Variants in PDZRN4 observed in about 807,000 individuals in gnomAD.
PDZRN4 encodes PDZ domain-containing RING finger protein 4.
A neutral mutation model predicts 99.0 loss-of-function variants in PDZRN4; 70 were observed. The observed-to-expected ratio is 0.71, with a 90% CI of 0.58 to 0.86. PDZRN4 has a LOEUF of 0.86. Among genes scored for constraint, PDZRN4 ranks in the 40% least tolerant of loss-of-function variants. PDZRN4 has a pLI of 0.00. For synonymous variants in PDZRN4, 551 were observed against 501.6 expected, an observed-to-expected ratio of 1.10 and a Z score of -1.32; for missense variants, 1,474 against 1,331.2, an observed-to-expected ratio of 1.11 and a Z score of -1.67.
intron 3 of PDZRN4, among the ~76,000 whole-genome samples, chr12:41,217,490 T>A (rs1950929031): frequency 6.6e-6 from 1 of 152,082 alleles, no homozygotes; most frequent in Non-Finnish European, 1.5e-5. Flanking sequence ...AGTGCTGTCA[T>A]TTTTTAACAT....
chr12:41,353,073 G>C (rs1340580782), intron 3 of PDZRN4, among the ~76,000 whole-genome samples: 1 of 152,084 alleles, frequency 6.6e-6, no homozygotes, highest in Non-Finnish European at 1.5e-5. Context: ...ATTTCATCTA[G>C]AATGGAAGAA....
chr12:41,193,882 AC>A (rs1354823441), intron 2 of PDZRN4, among the ~76,000 whole-genome samples, 198 bp from the exon 3 acceptor site: 1 of 152,076 alleles, frequency 6.6e-6, no homozygotes, highest in Non-Finnish European at 1.5e-5. Flanking sequence ...CTTGTCAGAG[AC>A]CCTGGACTCA....
chr12:41,397,826 AT>A (rs934899280), intron 3 of PDZRN4, among the ~76,000 whole-genome samples: 26 of 152,172 alleles, frequency 1.7e-4, no homozygotes, highest in Non-Finnish European at 2.6e-4. Flanking sequence ...AGTCACTTAT[AT>A]TTTTTTCTCT....
chr12:41,349,574 C>T lies in PDZRN4; in HGVS notation c.843+155386C>T, dbSNP rs185292887. On this transcript the variant is annotated intron_variant, in intron 3 of 9. Transcript: ENST00000402685. ...ACTGAAAAGACTCACTATTTATTTG[C>T]CCTTGCATTTCTACCTCTTCTAATA... Among the ~76,000 whole-genome samples the T allele has an allele frequency of 6.4e-4, 97 of 151,922 alleles. 2 individuals carry two copies. Among genetic ancestry groups the T allele is most frequent in the Admixed American group, 6.0e-3 (92 of 15,242 alleles).
At position 41,572,297 on chromosome 12, in the gene PDZRN4, G is replaced by T. The variant is rs1026811890; in HGVS notation, c.1585-67G>T. On this transcript the variant is annotated intron_variant, in intron 9 of 9. Coordinates refer to ENST00000402685, the MANE Select transcript of PDZRN4 (RefSeq NM_001164595.2). ...CCAGGAAACATTGGTTTTCAAACAA[G>T]ATTTTTAATAACAAATGTCTTCCAA... is the stretch of plus-strand genomic sequence containing the variant. The T allele has an allele frequency of 7.9e-6, 11 of 1,388,524 alleles. No individual in the cohort carries two copies. The African/African-American group carries it at 1.5e-4, about 19-fold the overall frequency. The allele number at this position is 1,388,524 out of a possible 1,614,324, so 86.0% of individuals were successfully genotyped here.
intron 3 of PDZRN4, among the ~76,000 whole-genome samples, chr12:41,368,011 A>G (rs1952014338): frequency 6.6e-6 from 1 of 152,046 alleles, no homozygotes. Flanking sequence ...TTTTTGCAAT[A>G]CTTACCAAAA....
chr12:41,383,944 T>C (rs1952145103), intron 3 of PDZRN4, among the ~76,000 whole-genome samples: 2 of 147,900 alleles, frequency 1.4e-5, no homozygotes, highest in Middle Eastern at 3.5e-3. Context: ...AATTTTAACA[T>C]GGTAATATCA....
At chr12:41,220,226 C>T (rs183395057) in intron 3 of PDZRN4, among the ~76,000 whole-genome samples, 6 of 152,154 alleles carry the variant, frequency 3.9e-5, no homozygotes, top group Non-Finnish European at 5.9e-5. Flanking sequence ...GATCAAGTGT[C>T]GGCTGGGTTA....
At position 41,460,052 on chromosome 12, in the gene PDZRN4, A is replaced by G. The variant is rs1284430164; in HGVS notation, c.844-46404A>G. The stretch of plus-strand genomic sequence containing the variant: ...GTGGGATCTTAGTTCTGCTTCATTA[A>G]GCTCCTTGTGAATGAGTGGTAAATT... On this transcript the variant is annotated intron_variant, in intron 3 of 9. Transcript: ENST00000402685. The G allele has an allele frequency of 1.0e-5, 13 of 1,285,454 alleles. No homozygotes were observed. In the East Asian group the frequency reaches 7.3e-4, roughly 72 times the overall value. The allele number at this position is 1,285,454 out of a possible 1,614,324, so 79.6% of individuals were successfully genotyped here.
intron 3 of PDZRN4, among the ~76,000 whole-genome samples, chr12:41,489,513 A>G (rs1296058746): frequency 6.6e-6 from 1 of 152,154 alleles, no homozygotes; most frequent in East Asian, 1.9e-4. Flanking sequence ...ATGGAGCAGT[A>G]GATGAACTTA....
intron 3 of PDZRN4, chr12:41,409,464 G>A (rs542664292): frequency 6.6e-6 from 1 of 152,240 alleles, no homozygotes; most frequent in South Asian, 2.1e-4. Flanking sequence ...AATATTTCAT[G>A]TGTCATTCTT....
intron 3 of PDZRN4, among the ~76,000 whole-genome samples, chr12:41,254,446 C>G (rs1328543332): frequency 6.6e-6 from 1 of 152,124 alleles, no homozygotes; most frequent in Admixed American, 6.5e-5. Flanking sequence ...AACAGTTACA[C>G]CCAAATGAAA....
intron 2 of PDZRN4, 36 bp downstream of exon 2, chr12:41,191,580 T>C: frequency 3.2e-6 from 3 of 940,072 alleles, no homozygotes; most frequent in Non-Finnish European, 5.1e-6. Flanking sequence ...TCGTTACTTA[T>C]AAAATAAGCA....
chr12:41,466,750 T>A (rs1430242697), intron 3 of PDZRN4, among the ~76,000 whole-genome samples: 2 of 110,718 alleles, frequency 1.8e-5, no homozygotes, highest in Admixed American at 1.7e-4. Context: ...ATATTTCCAG[T>A]GTTTTTTTTT....
rs978182088 is a variant in PDZRN4, at chr12:41,281,264, C to A, written c.843+87076C>A. 4.0e-5 allele frequency among the ~76,000 whole-genome samples: 6 copies of A among 151,826 alleles called. No individual in the cohort carries two copies. In the Admixed American group the frequency reaches 4.0e-4, roughly 10 times the overall value. On this transcript the variant is annotated intron_variant, in intron 3 of 9. Coordinates refer to ENST00000402685, the MANE Select transcript of PDZRN4 (RefSeq NM_001164595.2). Reference sequence around the variant, plus strand: ...TAAATCCACAAAGATGAGGAAAAACCAGTGCAAATAGGCTGAAGATTTCAA... The same window carrying A: ...TAAATCCACAAAGATGAGGAAAAACAAGTGCAAATAGGCTGAAGATTTCAA...
At chr12:41,201,708 T>G (rs186355056) in intron 3 of PDZRN4, among the ~76,000 whole-genome samples, 1 of 152,190 alleles carries the variant, frequency 6.6e-6, no homozygotes, top group East Asian at 1.9e-4. Context: ...TCCTGTAACA[T>G]CCGATTCCTT....
At chr12:41,384,203 TCATTTGAATAA>T (rs1005116296) in intron 3 of PDZRN4, among the ~76,000 whole-genome samples, 3 of 152,078 alleles carry the variant, frequency 2.0e-5, no homozygotes, top group Non-Finnish European at 4.4e-5. Context: ...CAACAAAAAG[TCATTTGAATAA>T]TGTTTTTGCA....
In PDZRN4 at chr12:41,563,185, G is replaced by A. The variant is rs187692924; in HGVS notation, c.1366-363G>A. On this transcript the variant is annotated intron_variant, in intron 7 of 9. Coordinates refer to ENST00000402685, the MANE Select transcript of PDZRN4 (RefSeq NM_001164595.2). Reference sequence around the variant, plus strand: ...ACGGATTTCAGTTGTGGTATTGCCAGTCCTTCTTCCCCCAGCACTATTATC... The same window carrying A: ...ACGGATTTCAGTTGTGGTATTGCCAATCCTTCTTCCCCCAGCACTATTATC... Among the ~76,000 whole-genome samples the A allele has an allele frequency of 2.5e-3, 385 of 152,290 alleles. 1 individual carries two copies. Among genetic ancestry groups the A allele is most frequent in the Non-Finnish European group, 4.5e-3 (306 of 68,018 alleles).
intron 3 of PDZRN4, among the ~76,000 whole-genome samples, chr12:41,351,659 G>T (rs1448492276): frequency 3.3e-5 from 5 of 151,890 alleles, no homozygotes; most frequent in Non-Finnish European, 7.4e-5. Context: ...CAGCAAGGGG[G>T]AAGTTCACCC....
Sources: gnomAD v4.1 joint callset for allele counts (sites outside exome capture counted in the v4.1 genomes callset) on GRCh38, gnomAD v4.1.1 for gene constraint, MANE v1.5 for transcripts, NCBI Gene and HGNC (gene_info 2026-07-23, HGNC 2026-07-21) for gene names.